BATF3: variants seen among roughly 807,000 people sequenced by gnomAD.
BATF3 encodes the protein basic leucine zipper ATF-like transcription factor 3, also known as basic leucine zipper transcriptional factor ATF-like 3.
A neutral mutation model predicts 16.1 loss-of-function variants in BATF3; 8 were observed. That is an observed-to-expected ratio of 0.50 (90% CI 0.29 to 0.90). The LOEUF is 0.90. Among genes scored for constraint, BATF3 ranks in the 40% least tolerant of loss-of-function variants. The pLI is 0.08. For synonymous variants in BATF3, 74 were observed against 72.7 expected, an observed-to-expected ratio of 1.02 and a Z score of -0.09; for missense variants, 139 against 167.0, an observed-to-expected ratio of 0.83 and a Z score of 0.92.
intron 2 of BATF3, among the ~76,000 whole-genome samples, chr1:212,692,401 A>C (rs886556995): frequency 5.3e-5 from 8 of 152,158 alleles, no homozygotes; most frequent in Admixed American, 1.3e-4. Flanking sequence ...AGCAAAAAAA[A>C]CCCAAAAAAA....
intron 2 of BATF3, among the ~76,000 whole-genome samples, chr1:212,688,626 G>T (rs1656921187): frequency 6.6e-6 from 1 of 152,184 alleles, no homozygotes; most frequent in Non-Finnish European, 1.5e-5. Flanking sequence ...ACAGCACACA[G>T]CTTTAAGCCA....
intron 1 of BATF3, chr1:212,697,590 T>G (rs896490654): frequency 6.5e-6 from 1 of 152,896 alleles, no homozygotes; most frequent in African/African-American, 2.4e-5. Context: ...CACTTACAAC[T>G]AATTGCAGCC....
chr1:212,687,183 C>T (rs940317775), intron 2 of BATF3, among the ~76,000 whole-genome samples: 8 of 152,146 alleles, frequency 5.3e-5, no homozygotes, highest in Admixed American at 1.3e-4. Context: ...GTATAACTTA[C>T]GTAAAATAAA....
chr1:212,686,692 G>T lies in BATF3; in HGVS notation c.*99C>A. 1 of 1,455,858 alleles carries T rather than the reference G, an allele frequency of 6.9e-7. No homozygotes were observed. Among genetic ancestry groups the T allele is most frequent in the Non-Finnish European group, 9.1e-7 (1 of 1,102,038 alleles). 90.2% of individuals were successfully genotyped at this position (1,455,858 alleles called of 1,614,324 possible). A position where few individuals can be genotyped will look rare whatever the true frequency, so the allele number is the denominator to read the frequency against. ...CCTGGAGCTCCCAGGAGGAGGCCTG[G>T]CCACAGGTGCCCCCTGTATACAATT... On this transcript the variant is annotated 3_prime_UTR_variant, in exon 3 of 3. Coordinates refer to ENST00000243440, the MANE Select transcript of BATF3 (RefSeq NM_018664.3).
rs944457605 is a variant in BATF3 at position 212,689,715 on chromosome 1, A to C, written c.196-2736T>G. ...CACGTCTGCAAACACACACTCACACACTCTCATACACATTCACACACTCTT... is the reference window on the plus strand; with the variant it reads ...CACGTCTGCAAACACACACTCACACCCTCTCATACACATTCACACACTCTT... On this transcript the variant is annotated intron_variant, in intron 2 of 2. Coordinates refer to ENST00000243440, the MANE Select transcript of BATF3 (RefSeq NM_018664.3). The surrounding 1 kb of genome is among the most constrained non-coding windows in gnomAD (Gnocchi z 4.6). Among the ~76,000 whole-genome samples, 5 of 151,512 alleles carry C rather than the reference A, an allele frequency of 3.3e-5. No individual in the cohort carries two copies. The highest frequency in any genetic ancestry group is 1.2e-4 in the African/African-American group (5 of 41,170).
intron 2 of BATF3, among the ~76,000 whole-genome samples, chr1:212,694,133 A>G (rs1657070093): frequency 6.6e-6 from 1 of 152,170 alleles, no homozygotes. Context: ...TGGCTCAAGG[A>G]GACTACAAGC....
intron 2 of BATF3, 27 bp downstream of exon 2, chr1:212,696,934 G>T (rs1384881303): frequency 2.5e-6 from 4 of 1,580,686 alleles, no homozygotes; most frequent in Non-Finnish European, 3.5e-6. Flanking sequence ...GTGGCTCTAA[G>T]GTGGCTTGCC....
chr1:212,696,202 G>C (rs1056579954), intron 2 of BATF3, among the ~76,000 whole-genome samples: 2 of 152,080 alleles, frequency 1.3e-5, no homozygotes, highest in African/African-American at 4.8e-5. Flanking sequence ...GCCAATAAAG[G>C]GTCGAAGGCT....
At chr1:212,698,372 A>G (rs1162882760) in intron 1 of BATF3, 1 of 152,192 alleles carries the variant, frequency 6.6e-6, no homozygotes, top group Non-Finnish European at 1.5e-5. Flanking sequence ...TAATTCATTC[A>G]TTCTTTCAAT....
chr1:212,699,261 C>CCCA lies in BATF3; in HGVS notation c.90+411_90+412insTGG, dbSNP rs1657205557. Among the ~76,000 whole-genome samples, 1 of 152,202 alleles carries CCCA rather than the reference C, an allele frequency of 6.6e-6. No homozygotes were observed. The highest frequency in any genetic ancestry group is 1.5e-5 in the Non-Finnish European group (1 of 68,008). On this transcript the variant is annotated intron_variant, in intron 1 of 2. Coordinates refer to ENST00000243440, the MANE Select transcript of BATF3 (RefSeq NM_018664.3). The surrounding 1 kb of genome is among the most constrained non-coding windows in gnomAD (Gnocchi z 4.4). The stretch of plus-strand genomic sequence containing the variant: ...TTCTCCATTCCCGCGGCAGCACCCC[C>CCCA]CCCACCCGGGGGAATCCTGGAGGGG...
rs1175949994 is a variant in BATF3, at chr1:212,699,765, C to A, written c.-3G>T. 2 of 1,265,710 alleles carry A rather than the reference C, an allele frequency of 1.6e-6. No individual in the cohort carries two copies. Among genetic ancestry groups the A allele is most frequent in the African/African-American group, 1.6e-5 (1 of 64,032 alleles). 78.4% of individuals were successfully genotyped at this position (1,265,710 alleles called of 1,614,324 possible). On this transcript the variant is annotated 5_prime_UTR_variant, in exon 1 of 3. Coordinates refer to ENST00000243440, the MANE Select transcript of BATF3 (RefSeq NM_018664.3). This position sits in a 1 kb window ranked among gnomAD's most constrained non-coding sequence, Gnocchi z 4.4. Reference sequence around the variant, plus strand: ...GCGGCCGGGAGCCCTTGCGACATGCCGGGCGCTCCTCTGGCCCGGCCCGCC... The same window carrying A: ...GCGGCCGGGAGCCCTTGCGACATGCAGGGCGCTCCTCTGGCCCGGCCCGCC...
At chr1:212,693,191 C>A (rs561668611) in intron 2 of BATF3, among the ~76,000 whole-genome samples, 10 of 152,232 alleles carry the variant, frequency 6.6e-5, no homozygotes, top group Non-Finnish European at 1.0e-4. Flanking sequence ...ATGATACACA[C>A]AGCTACAATG....
chr1:212,693,026 G>A lies in BATF3; in HGVS notation c.195+3935C>T, dbSNP rs73079839. Among the ~76,000 whole-genome samples, 1,133 of 152,282 alleles carry A rather than the reference G, an allele frequency of 7.4e-3. 11 individuals carry two copies. Among genetic ancestry groups the A allele is most frequent in the African/African-American group, 0.026 (1,083 of 41,550 alleles). On this transcript the variant is annotated intron_variant, in intron 2 of 2. Coordinates refer to ENST00000243440, the MANE Select transcript of BATF3 (RefSeq NM_018664.3). ...TGCATGGTGTCCCCACCCTAGATTG[G>A]CCTGGGAGGTCCAGGGGTCCCAAGG...
chr1:212,688,004 G>GAAAGAA, intron 2 of BATF3, among the ~76,000 whole-genome samples: 1 of 78,812 alleles, frequency 1.3e-5, no homozygotes, highest in East Asian at 3.4e-4. Flanking sequence ...AGAAAGGAAG[G>GAAAGAA]AAGGAAGGAA....
In BATF3 at chr1:212,699,528, C is replaced by T. The variant is rs1055295664; in HGVS notation, c.90+145G>A. ...CCCCCATTCCCCAACATCCCTACGC[C>T]CCTACCTCTGCTTGTCTCCGGCCGC... On this transcript the variant is annotated intron_variant, in intron 1 of 2. Coordinates refer to ENST00000243440, the MANE Select transcript of BATF3 (RefSeq NM_018664.3). The surrounding 1 kb of genome is among the most constrained non-coding windows in gnomAD (Gnocchi z 4.4). 10 of 525,366 alleles carry T rather than the reference C, an allele frequency of 1.9e-5. No individual in the cohort carries two copies. The Admixed American group carries it at 4.1e-4, about 22-fold the overall frequency. 32.5% of individuals were successfully genotyped at this position (525,366 alleles called of 1,614,324 possible). A position where few individuals can be genotyped will look rare whatever the true frequency, so the allele number is the denominator to read the frequency against.
At position 212,699,719 on chromosome 1, in the gene BATF3, C is replaced by G; in HGVS notation, c.44G>C (p.Ser15Thr). 1 of 1,347,358 alleles carries G rather than the reference C, an allele frequency of 7.4e-7. No homozygotes were observed. The highest frequency in any genetic ancestry group is 9.6e-7 in the Non-Finnish European group (1 of 1,044,426). 83.5% of individuals were successfully genotyped at this position (1,347,358 alleles called of 1,614,324 possible). ...CGGCTGGTTCCCGGGCGCCGCGACG[C>G]TCCTCTGCAGGACGCTGCCGGCGGC... ...LPAAGSVLQR[S>T]VAAPGNQPQP... Residue 15 changes from serine (S) to threonine (T), a missense_variant, in exon 1 of 3, where the codon AGC (serine) becomes ACC (threonine). By Grantham distance (58) the Ser-to-Thr change is moderately conservative (BLOSUM62 1). Transcript: ENST00000243440. The surrounding 1 kb of genome is among the most constrained non-coding windows in gnomAD (Gnocchi z 4.4).
chr1:212,692,891 G>A (rs12075398), intron 2 of BATF3, among the ~76,000 whole-genome samples: 8,206 of 152,264 alleles, frequency 0.054, 730 homozygotes, highest in African/African-American at 0.18. Context: ...CCTTTGATGC[G>A]CTACAGTCTC....
At position 212,699,159 on chromosome 1, in the gene BATF3, G is replaced by C. The variant is rs1038217116; in HGVS notation, c.90+514C>G. 6.6e-6 allele frequency among the ~76,000 whole-genome samples: 1 copy of C among 152,272 alleles called. No homozygotes were observed. Among genetic ancestry groups the C allele is most frequent in the Non-Finnish European group, 1.5e-5 (1 of 68,040 alleles). ...TGCTAGGGGACAGCGAACTGGGAAG[G>C]GGCAAAGGGTTTCCACCAGCTGGGG... On this transcript the variant is annotated intron_variant, in intron 1 of 2. Transcript: ENST00000243440. The surrounding 1 kb of genome is among the most constrained non-coding windows in gnomAD (Gnocchi z 4.4).
intron 2 of BATF3, among the ~76,000 whole-genome samples, chr1:212,688,274 C>T (rs1438005877): frequency 1.3e-5 from 2 of 152,152 alleles, no homozygotes; most frequent in Non-Finnish European, 2.9e-5. Flanking sequence ...TGGGGACCCT[C>T]ACCAACACAC....
Sources: allele counts gnomAD v4.1 joint callset (sites outside exome capture counted in the v4.1 genomes callset), GRCh38; gene constraint gnomAD v4.1.1; non-coding constraint Gnocchi (gnomAD v3.1); transcripts MANE v1.5; gene names NCBI Gene and HGNC (gene_info 2026-07-23, HGNC 2026-07-21).